The following BBS9 variants were observed in gnomAD, a reference collection of about 807,000 sequenced individuals.
BBS9 encodes the protein Bardet-Biedl syndrome 9.
In BBS9, 89 loss-of-function variants were observed where a neutral mutation model predicts 117.7. The observed-to-expected ratio is 0.76, with a 90% CI of 0.64 to 0.90. The LOEUF (loss-of-function observed/expected upper bound fraction) is 0.90, where lower values mean the gene tolerates loss of function less well. Ranked by LOEUF, BBS9 falls within the 40% of genes least tolerant of loss-of-function variation. BBS9 has a pLI of 0.00. For synonymous variants in BBS9, 379 were observed against 370.9 expected (o/e 1.02, Z -0.25); for missense variants, 982 against 1,042.2 (o/e 0.94, Z 0.80).
chr7:33,503,511 A>G (rs1486022740), intron 19 of BBS9, among the ~76,000 whole-genome samples: 2 of 142,940 alleles, frequency 1.4e-5, no homozygotes, highest in African/African-American at 5.3e-5. Context: ...AGTCTTCCTT[A>G]TGTGGTCAAT....
intron 19 of BBS9, among the ~76,000 whole-genome samples, chr7:33,425,351 A>T (rs1020989666): frequency 1.3e-5 from 2 of 152,164 alleles, no homozygotes; most frequent in Non-Finnish European, 2.9e-5. Context: ...AAAATTTTTT[A>T]TTTTAATTTT....
chr7:33,457,325 A>G (rs1838792669), intron 19 of BBS9, among the ~76,000 whole-genome samples: 2 of 152,198 alleles, frequency 1.3e-5, no homozygotes, highest in South Asian at 4.1e-4. Flanking sequence ...ATGCTTATGT[A>G]GAGGAGTTTC....
chr7:33,189,773 C>A (rs1783771733), intron 5 of BBS9, among the ~76,000 whole-genome samples: 1 of 151,330 alleles, frequency 6.6e-6, no homozygotes, highest in Admixed American at 6.6e-5. Context: ...GTAGTCCCAG[C>A]TACTCAGGAA....
chr7:33,263,094 G>A (rs997261446), intron 6 of BBS9, among the ~76,000 whole-genome samples: 5 of 53,298 alleles, frequency 9.4e-5, no homozygotes, highest in Non-Finnish European at 8.0e-5. Context: ...TATATATTAC[G>A]TTTTCATATT....
intron 21 of BBS9, among the ~76,000 whole-genome samples, chr7:33,623,720 G>A (rs1865516994): frequency 6.6e-6 from 1 of 152,122 alleles, no homozygotes; most frequent in African/African-American, 2.4e-5. Flanking sequence ...GATTAACATG[G>A]ATGAATCTCA....
intron 21 of BBS9, among the ~76,000 whole-genome samples, chr7:33,575,871 A>C (rs1388872140): frequency 6.6e-6 from 1 of 152,022 alleles, no homozygotes; most frequent in Non-Finnish European, 1.5e-5. Context: ...CATGCTAAAA[A>C]CTCTCAATAA....
At chr7:33,585,824 T>A (rs192180675) in intron 21 of BBS9, among the ~76,000 whole-genome samples, 2 of 151,992 alleles carry the variant, frequency 1.3e-5, no homozygotes, top group East Asian at 3.9e-4. Context: ...TTTTTTTGAG[T>A]TTCTTCAATT....
chr7:33,238,924 T>G lies in BBS9; in HGVS notation c.443-18312T>G, dbSNP rs7791482. ...GTGGAATTGTTTCTAATATTTTGCT[T>G]AAAAAATACTGTGGTTATAAATTAC... On this transcript the variant is annotated intron_variant, in intron 5 of 22. Coordinates refer to ENST00000242067, the MANE Select transcript of BBS9 (RefSeq NM_198428.3). 7.0e-3 allele frequency among the ~76,000 whole-genome samples: 1,062 copies of G among 152,258 alleles called. 13 individuals are homozygous for G. Among genetic ancestry groups the G allele is most frequent in the African/African-American group, 0.024 (1,017 of 41,538 alleles).
rs1163843703 is a variant in BBS9, at chr7:33,533,832, CCACACTCTT to C, written c.2299-117_2299-109del. 6.0e-6 allele frequency: 7 copies of C among 1,173,646 alleles called. No homozygotes were observed. The Admixed American group carries it at 1.2e-4, about 20-fold the overall frequency. 72.7% of individuals were successfully genotyped at this position (1,173,646 alleles called of 1,614,324 possible). A position where few individuals can be genotyped will look rare whatever the true frequency, so the allele number is the denominator to read the frequency against. ...AGCCTAGTCTGGAATATTCCAGATA[CCACACTCTT>C]CACAGGTTCCCAACACTTGAACATA... On this transcript the variant is annotated intron_variant, in intron 20 of 22. Transcript: ENST00000242067.
chr7:33,206,184 C>A lies in BBS9; in HGVS notation c.442+28593C>A, dbSNP rs79457309. Among the ~76,000 whole-genome samples, 1,019 of 152,254 alleles carry A rather than the reference C, an allele frequency of 6.7e-3. 6 individuals carry two copies. The highest frequency in any genetic ancestry group is 0.012 in the Non-Finnish European group (803 of 68,004). On this transcript the variant is annotated intron_variant, in intron 5 of 22. Transcript: ENST00000242067. Reference sequence around the variant, plus strand: ...CCCCAAGTACTGTATCAGTTAATGACCCAGCAGGAAATAGATTCATGGCAG... The same window carrying A: ...CCCCAAGTACTGTATCAGTTAATGAACCAGCAGGAAATAGATTCATGGCAG...
chr7:33,372,561 T>C (rs1823066042), intron 17 of BBS9, among the ~76,000 whole-genome samples: 1 of 152,162 alleles, frequency 6.6e-6, no homozygotes, highest in African/African-American at 2.4e-5. Context: ...TTGCTAGTAT[T>C]TTGTTGAGGA....
At chr7:33,440,386 T>A (rs975499367) in intron 19 of BBS9, among the ~76,000 whole-genome samples, 2 of 152,216 alleles carry the variant, frequency 1.3e-5, no homozygotes, top group African/African-American at 4.8e-5. Flanking sequence ...CATCCCTATT[T>A]TCTTACTGGC....
At chr7:33,361,431 C>T (rs1331370581) in intron 16 of BBS9, among the ~76,000 whole-genome samples, 4 of 152,044 alleles carry the variant, frequency 2.6e-5, no homozygotes, top group African/African-American at 9.7e-5. Context: ...CTCTATTTCT[C>T]TTAGGAGAAA....
intron 19 of BBS9, among the ~76,000 whole-genome samples, chr7:33,503,425 A>G (rs1401240886): frequency 6.6e-6 from 1 of 152,218 alleles, no homozygotes; most frequent in Non-Finnish European, 1.5e-5. Context: ...CATGCGGCCT[A>G]TGTTCAATTA....
At chr7:33,558,616 T>A (rs1360043983) in intron 21 of BBS9, among the ~76,000 whole-genome samples, 1 of 151,808 alleles carries the variant, frequency 6.6e-6, no homozygotes, top group Non-Finnish European at 1.5e-5. Context: ...AAACAGGCCT[T>A]TTTTTTTATG....
intron 19 of BBS9, among the ~76,000 whole-genome samples, chr7:33,441,615 C>T (rs1483895356): frequency 6.6e-6 from 1 of 152,150 alleles, no homozygotes; most frequent in Non-Finnish European, 1.5e-5. Context: ...TGAAAACCCA[C>T]ATTTGCACTT....
intron 5 of BBS9, among the ~76,000 whole-genome samples, chr7:33,246,907 G>A (rs1037282980): frequency 2.0e-5 from 3 of 152,058 alleles, no homozygotes; most frequent in Non-Finnish European, 4.4e-5. Flanking sequence ...TCAATAGTTA[G>A]CATGTTAAGG....
intron 19 of BBS9, among the ~76,000 whole-genome samples, chr7:33,432,218 C>T (rs1301685967): frequency 6.6e-6 from 1 of 151,308 alleles, no homozygotes; most frequent in Non-Finnish European, 1.5e-5. Context: ...ACGCCGTTCT[C>T]TTGCCTCAGC....
chr7:33,393,420 A>G (rs1184523350), intron 19 of BBS9, among the ~76,000 whole-genome samples: 9 of 152,162 alleles, frequency 5.9e-5, no homozygotes, highest in Non-Finnish European at 1.3e-4. Context: ...TTAATGCTCT[A>G]TAGTAGCCAT....
Sources: allele counts gnomAD v4.1 joint callset (sites outside exome capture counted in the v4.1 genomes callset), GRCh38; gene constraint gnomAD v4.1.1; transcripts MANE v1.5; gene names NCBI Gene and HGNC (gene_info 2026-07-23, HGNC 2026-07-21).